Variants in SCML4 observed in about 807,000 individuals in gnomAD.
SCML4 encodes the protein Scm polycomb group protein like 4.
Under a neutral mutation model 41.1 loss-of-function variants are expected in SCML4, and 34 were observed. The ratio of observed to expected loss-of-function variants is 0.83; its 90% confidence interval spans 0.63 to 1.10. The LOEUF (loss-of-function observed/expected upper bound fraction) is 1.10, where lower values mean the gene tolerates loss of function less well. Among genes scored for constraint, SCML4 ranks in the 50% least tolerant of loss-of-function variants. The pLI is 0.00. For synonymous variants in SCML4, 214 were observed against 220.9 expected (o/e 0.97, Z 0.28); for missense variants, 522 against 534.1 (o/e 0.98, Z 0.22).
chr6:107,794,643 A>G (rs1172986161), intron 1 of SCML4, among the ~76,000 whole-genome samples: 1 of 152,160 alleles, frequency 6.6e-6, no homozygotes, highest in African/African-American at 2.4e-5. Context: ...ATTCAAATCT[A>G]CCTGAGTGTG....
rs1385362068 is a variant in SCML4, at chr6:107,779,156, G to T, written c.-59-6770C>A. Among the ~76,000 whole-genome samples, 67 of 150,724 alleles carry T rather than the reference G, an allele frequency of 4.4e-4. No individual in the cohort carries two copies. In the Admixed American group the frequency reaches 4.5e-3, roughly 10 times the overall value. ...GATCGCGCCACTGCACTCCAGCCTG[G>T]GCAACAGAGGGAGACTCCATCTCAA... On this transcript the variant is annotated intron_variant, in intron 1 of 7. Coordinates refer to ENST00000369020, the MANE Select transcript of SCML4 (RefSeq NM_198081.5).
chr6:107,782,135 A>G (rs1014537276), intron 1 of SCML4, among the ~76,000 whole-genome samples: 8 of 152,262 alleles, frequency 5.3e-5, no homozygotes, highest in African/African-American at 1.9e-4. Context: ...GTGAAGCGGG[A>G]AAAACACCCA....
Position 107,703,572 on chromosome 6 carries a change from T to G in SCML4, c.*1628A>C, listed in dbSNP as rs1226325265. On this transcript the variant is annotated 3_prime_UTR_variant, in exon 8 of 8. Coordinates refer to ENST00000369020, the MANE Select transcript of SCML4 (RefSeq NM_198081.5). ...GGATTCTAACTATATAGAGGGTCAC[T>G]CTGCAGATCTACCCAGGGCTGCCCT... 6.6e-6 allele frequency among the ~76,000 whole-genome samples: 1 copy of G among 151,996 alleles called. No homozygotes were observed. Among genetic ancestry groups the G allele is most frequent in the Non-Finnish European group, 1.5e-5 (1 of 67,990 alleles).
chr6:107,821,912 C>T (rs1370569912), intron 1 of SCML4, among the ~76,000 whole-genome samples: 1 of 152,140 alleles, frequency 6.6e-6, no homozygotes, highest in Admixed American at 6.5e-5. Context: ...GTGATGTGTC[C>T]TCAGGCCACA....
intron 1 of SCML4, among the ~76,000 whole-genome samples, chr6:107,817,623 A>AAAC (rs1784642939): frequency 1.0e-5 from 1 of 97,438 alleles, no homozygotes; most frequent in African/African-American, 5.3e-5. Context: ...TTCATCTCAA[A>AAAC]AAAAAAAAAA....
intron 1 of SCML4, among the ~76,000 whole-genome samples, chr6:107,818,316 A>G (rs1784698815): frequency 6.6e-6 from 1 of 151,990 alleles, no homozygotes; most frequent in African/African-American, 2.4e-5. Flanking sequence ...CAGTGGCAAC[A>G]GCATGAACCA....
At chr6:107,764,826 G>T (rs997615114) in intron 2 of SCML4, among the ~76,000 whole-genome samples, 1 of 152,200 alleles carries the variant, frequency 6.6e-6, no homozygotes, top group South Asian at 2.1e-4. Context: ...TGTTCTTGTG[G>T]TAGTGAATAA....
At chr6:107,831,411 C>CCAAAAA in the SCML4 span, among the ~76,000 whole-genome samples, 26 of 107,490 alleles carry the variant, frequency 2.4e-4, 12 homozygotes, top group Non-Finnish European at 2.4e-4. Flanking sequence ...TTTTCATTCT[C>CCAAAAA]AAAAAAAAAA....
Position 107,704,921 on chromosome 6 carries a change from T to C in SCML4, c.*279A>G. On this transcript the variant is annotated 3_prime_UTR_variant, in exon 8 of 8. Coordinates refer to ENST00000369020, the MANE Select transcript of SCML4 (RefSeq NM_198081.5). ...GTTCCCCACTCTCTCGTTATGCAAA[T>C]AGGACCCACTTTAAGAGAAACCAGC... 2.1e-6 allele frequency: 1 copy of C among 478,296 alleles called. No homozygotes were observed. Among genetic ancestry groups the C allele is most frequent in the Non-Finnish European group, 3.8e-6 (1 of 265,210 alleles). 29.6% of individuals were successfully genotyped at this position (478,296 alleles called of 1,614,324 possible). A position where few individuals can be genotyped will look rare whatever the true frequency, so the allele number is the denominator to read the frequency against.
chr6:107,796,139 T>C (rs928177087), intron 1 of SCML4, among the ~76,000 whole-genome samples: 1 of 152,222 alleles, frequency 6.6e-6, no homozygotes, highest in African/African-American at 2.4e-5. Context: ...CCAGAAACAT[T>C]TCTCTACAAG....
At chr6:107,827,742 G>A (rs771771020), upstream of SCML4, among the ~76,000 whole-genome samples, 20 of 152,204 alleles carry the variant, frequency 1.3e-4, no homozygotes, top group Non-Finnish European at 2.2e-4. Context: ...CCACACGAGT[G>A]CTACTGGGCT....
At chr6:107,744,768 G>T (rs1185460746) in intron 5 of SCML4, among the ~76,000 whole-genome samples, 181 bp downstream of exon 5, 1 of 152,218 alleles carries the variant, frequency 6.6e-6, no homozygotes, top group East Asian at 1.9e-4. Flanking sequence ...GGTGGGGACT[G>T]TCCAGGCACC....
chr6:107,719,822 C>T, intron 6 of SCML4: 1 of 887,776 alleles, frequency 1.1e-6, no homozygotes, highest in Non-Finnish European at 1.3e-6. Flanking sequence ...GATCCAGCAT[C>T]TCAGCCCAGG....
chr6:107,735,407 T>C (rs17586714), intron 5 of SCML4, among the ~76,000 whole-genome samples: 21,693 of 152,134 alleles, frequency 0.14, 1,805 homozygotes, highest in Middle Eastern at 0.19. Flanking sequence ...AACGCACCTC[T>C]CTTCATTCCT....
intron 3 of SCML4, 26 bp from the exon 4 acceptor site, chr6:107,746,915 C>A (rs778387999): frequency 2.0e-5 from 32 of 1,592,286 alleles, no homozygotes; most frequent in Admixed American, 1.7e-4. Flanking sequence ...TCACAAAGCC[C>A]TCGGCATCAG....
chr6:107,747,031 A>C (rs1778174669), intron 3 of SCML4, 142 bp from the exon 4 acceptor site: 2 of 646,718 alleles, frequency 3.1e-6, no homozygotes, highest in South Asian at 4.0e-5. Context: ...AGTGGGGTGG[A>C]TTCTTCCCAA....
At chr6:107,845,178 A>G in the SCML4 span, among the ~76,000 whole-genome samples, 2 of 152,154 alleles carry the variant, frequency 1.3e-5, no homozygotes, top group African/African-American at 4.8e-5. Flanking sequence ...AGAGGTTGCA[A>G]TGAGCCAAGA....
chr6:107,817,706 T>C (rs1008609546), intron 1 of SCML4, among the ~76,000 whole-genome samples: 19 of 151,984 alleles, frequency 1.3e-4, no homozygotes, highest in African/African-American at 4.6e-4. Context: ...AATTTATTCT[T>C]CTTTACTGGG....
chr6:107,809,674 G>A (rs1784014603), intron 1 of SCML4, among the ~76,000 whole-genome samples: 1 of 152,206 alleles, frequency 6.6e-6, no homozygotes, highest in African/African-American at 2.4e-5. Context: ...AGGAGAAGGG[G>A]AAGATATGGG....
Sources: gnomAD v4.1 joint callset for allele counts (sites outside exome capture counted in the v4.1 genomes callset) on GRCh38, gnomAD v4.1.1 for gene constraint, MANE v1.5 for transcripts, NCBI Gene and HGNC (gene_info 2026-07-23, HGNC 2026-07-21) for gene names.